Variants in AK9 observed in about 807,000 individuals in gnomAD.
AK9 encodes the protein adenylate kinase domain containing 1.
A neutral mutation model predicts 239.6 loss-of-function variants in AK9; 191 were observed. The ratio of observed to expected loss-of-function variants is 0.80; its 90% CI spans 0.71 to 0.90. The LOEUF (loss-of-function observed/expected upper bound fraction) is 0.90, where lower values mean the gene tolerates loss of function less well. AK9 is among the 40% of genes least tolerant of loss of function. The pLI is 0.00. For synonymous variants in AK9, 689 were observed against 721.0 expected (o/e 0.96, Z 0.71); for missense variants, 1,995 against 2,214.7 (o/e 0.90, Z 1.99).
intron 6 of AK9, among the ~76,000 whole-genome samples, chr6:109,659,808 A>G (rs1800189234): frequency 6.6e-6 from 1 of 152,218 alleles, no homozygotes; most frequent in Admixed American, 6.5e-5. Flanking sequence ...CATATTTCCA[A>G]TAAAATATAT....
In AK9 at chr6:109,688,792, A is replaced by G. The variant is rs73531419; in HGVS notation, c.-12+2355T>C. On this transcript the variant is annotated intron_variant, in intron 1 of 40. Transcript: ENST00000424296. ...GCCACCTGGTCATTTTTGACTCCAA[A>G]AGCTCATAAGGAGTTATTGCACTGG... Among the ~76,000 whole-genome samples, 947 of 152,238 alleles carry G rather than the reference A, an allele frequency of 6.2e-3. 15 individuals are homozygous for G. Among genetic ancestry groups the G allele is most frequent in the African/African-American group, 0.022 (900 of 41,536 alleles).
chr6:109,640,693 G>T (rs1797311484), intron 10 of AK9, among the ~76,000 whole-genome samples: 1 of 151,706 alleles, frequency 6.6e-6, no homozygotes, highest in Non-Finnish European at 1.5e-5. Flanking sequence ...CTGGGATACT[G>T]TGCCCAGTCC....
chr6:109,508,901 G>C (rs905954363), intron 33 of AK9, among the ~76,000 whole-genome samples: 4 of 152,192 alleles, frequency 2.6e-5, no homozygotes, highest in African/African-American at 9.7e-5. Context: ...AGTCACATCA[G>C]CCTCCTTTGT....
In AK9 at chr6:109,495,334, G is replaced by C. The variant is rs1467365175; in HGVS notation, c.5418+4C>G. On this transcript the variant is annotated splice_donor_region_variant and intron_variant, in intron 39 of 40. Coordinates refer to ENST00000424296, the MANE Select transcript of AK9 (RefSeq NM_001145128.3). Reference sequence around the variant, plus strand: ...ATATATAACAGAAAATTAAGTAAAAGAACCTGTTCCAGATATCCAGGCAAA... The same window carrying C: ...ATATATAACAGAAAATTAAGTAAAACAACCTGTTCCAGATATCCAGGCAAA... The C allele has an allele frequency of 6.3e-7, 1 of 1,599,862 alleles. No homozygotes were observed. The highest frequency in any genetic ancestry group is 8.5e-7 in the Non-Finnish European group (1 of 1,170,480).
chr6:109,570,307 C>T (rs1409615326), intron 21 of AK9, among the ~76,000 whole-genome samples: 2 of 151,924 alleles, frequency 1.3e-5, no homozygotes, highest in Admixed American at 1.3e-4. Flanking sequence ...GGAGGGATAG[C>T]ATTAGGAGGT....
At chr6:109,597,001 T>C (rs1791123109) in intron 17 of AK9, among the ~76,000 whole-genome samples, 1 of 152,190 alleles carries the variant, frequency 6.6e-6, no homozygotes. Flanking sequence ...CTGTTAAATA[T>C]TTATGTCATT....
At position 109,499,333 on chromosome 6, in the gene AK9, T is replaced by C. The variant is rs917065224; in HGVS notation, c.4850-93A>G. On this transcript the variant is annotated intron_variant, in intron 35 of 40. Coordinates refer to ENST00000424296, the MANE Select transcript of AK9 (RefSeq NM_001145128.3). The stretch of plus-strand genomic sequence containing the variant: ...TAAAATAATTTTAATTACACAGCAC[T>C]ATACATACACATTATAAAATTCCAA... 7 of 965,618 alleles carry C rather than the reference T, an allele frequency of 7.2e-6. No homozygotes were observed. In the African/African-American group the frequency reaches 1.2e-4, roughly 16 times the overall value. The allele number at this position is 965,618 out of a possible 1,614,324, so 59.8% of individuals were successfully genotyped here.
At chr6:109,652,865 AAC>A (rs1799165496) in intron 8 of AK9, among the ~76,000 whole-genome samples, 2 of 152,218 alleles carry the variant, frequency 1.3e-5, no homozygotes, top group Admixed American at 6.5e-5. Context: ...AATGTTCAGT[AAC>A]ACAGAATATC....
intron 21 of AK9, among the ~76,000 whole-genome samples, chr6:109,571,766 A>G (rs1349328596): frequency 1.3e-5 from 2 of 152,186 alleles, no homozygotes; most frequent in African/African-American, 4.8e-5. Context: ...CTGCAGATAC[A>G]GTGTACAGCC....
chr6:109,538,008 G>T (rs1217220041), intron 27 of AK9, among the ~76,000 whole-genome samples: 1 of 152,176 alleles, frequency 6.6e-6, no homozygotes, highest in Non-Finnish European at 1.5e-5. Flanking sequence ...ATTTGCTGAG[G>T]AGTTCTTTAC....
At position 109,570,728 on chromosome 6, in the gene AK9, T is replaced by C. The variant is rs558456365; in HGVS notation, c.2344+2714A>G. On this transcript the variant is annotated intron_variant, in intron 21 of 40. Transcript: ENST00000424296. ...GAAGATTAACGTGGTTGAGAAACAA[T>C]AGTTATCTGACCAAAAATAATAAAT... Among the ~76,000 whole-genome samples the C allele has an allele frequency of 2.0e-5, 3 of 152,240 alleles. No homozygotes were observed. The South Asian group carries it at 6.2e-4, about 32-fold the overall frequency.
intron 25 of AK9, among the ~76,000 whole-genome samples, chr6:109,548,437 C>A (rs1335271606): frequency 6.6e-6 from 1 of 152,086 alleles, no homozygotes; most frequent in Non-Finnish European, 1.5e-5. Context: ...ATCATTGATG[C>A]TTTATGAAAG....
At chr6:109,592,332 G>A (rs1790362023) in intron 17 of AK9, among the ~76,000 whole-genome samples, 1 of 152,042 alleles carries the variant, frequency 6.6e-6, no homozygotes, top group African/African-American at 2.4e-5. Flanking sequence ...TGCCACCAGT[G>A]AGTATTCTAG....
At chr6:109,559,349 A>T (rs898955979) in intron 24 of AK9, among the ~76,000 whole-genome samples, 5 of 151,626 alleles carry the variant, frequency 3.3e-5, no homozygotes, top group Non-Finnish European at 5.9e-5. Context: ...TTGTATTTTT[A>T]GTAGAGATGG....
chr6:109,639,049 C>A (rs1433837921), intron 10 of AK9, among the ~76,000 whole-genome samples: 2 of 152,138 alleles, frequency 1.3e-5, no homozygotes, highest in Non-Finnish European at 2.9e-5. Flanking sequence ...TCCAGTCTAT[C>A]ATTGATGGAC....
Position 109,659,249 on chromosome 6 carries a change from TTCC to T in AK9, c.606_608del (p.Glu205del), listed in dbSNP as rs2128315001. 6.3e-7 allele frequency: 1 copy of T among 1,586,266 alleles called. No homozygotes were observed. Among genetic ancestry groups the T allele is most frequent in the East Asian group, 2.3e-5 (1 of 44,270 alleles). ...TTACCTCTTCTTCTTCTTGCTCTTC[TTCC>T]TCTTCTTCCTCTTCTCCTTTTCCGT... On this transcript the variant is annotated inframe_deletion, in exon 7 of 41. Coordinates refer to ENST00000424296, the MANE Select transcript of AK9 (RefSeq NM_001145128.3).
At chr6:109,608,854 A>G (rs1449478399) in intron 17 of AK9, among the ~76,000 whole-genome samples, 2 of 152,200 alleles carry the variant, frequency 1.3e-5, no homozygotes, top group African/African-American at 4.8e-5. Flanking sequence ...AAACAATCCA[A>G]TTTAAAAAAT....
At chr6:109,573,406 A>G in intron 21 of AK9, 36 bp downstream of exon 21, 1 of 1,522,376 alleles carries the variant, frequency 6.6e-7, no homozygotes. Context: ...AATGCACATG[A>G]GTAGAATTAA....
At chr6:109,627,590 T>C (rs1795692915) in intron 12 of AK9, among the ~76,000 whole-genome samples, 1 of 152,222 alleles carries the variant, frequency 6.6e-6, no homozygotes, top group East Asian at 1.9e-4. Context: ...TTCAGCTCCA[T>C]TATAATCTTA....
Sources: allele counts gnomAD v4.1 joint callset (sites outside exome capture counted in the v4.1 genomes callset), GRCh38; gene constraint gnomAD v4.1.1; transcripts MANE v1.5; gene names NCBI Gene and HGNC (gene_info 2026-07-23, HGNC 2026-07-21).